PREX2: variants seen among roughly 807,000 people sequenced by gnomAD.
PREX2 encodes phosphatidylinositol 3,4,5-trisphosphate-dependent Rac exchanger 2 protein.
PREX2 carries 107 observed loss-of-function variants against 203.2 expected under a neutral mutation model. That is an observed-to-expected ratio of 0.53 (90% CI 0.45 to 0.62). The LOEUF (loss-of-function observed/expected upper bound fraction) is 0.62, where lower values mean the gene tolerates loss of function less well. Among genes scored for constraint, PREX2 ranks in the 20% least tolerant of loss-of-function variants. The probability of loss-of-function intolerance (pLI) is 0.00; values close to 1 mark genes in which losing one functional copy is unlikely to be tolerated. For synonymous variants in PREX2, 672 were observed against 663.6 expected (o/e 1.01, Z -0.19); for missense variants, 1,777 against 1,955.9 (o/e 0.91, Z 1.72).
Position 68,159,903 on chromosome 8 carries a change from G to C in PREX2, c.4346+2467G>C, listed in dbSNP as rs188312369. ...GATACAGAGAAAGTCAATTGTTTTG[G>C]CTTTACTCACAAAAGTATACTTCAC... On this transcript the variant is annotated intron_variant, in intron 35 of 39. Coordinates refer to ENST00000288368, the MANE Select transcript of PREX2 (RefSeq NM_024870.4). Among the ~76,000 whole-genome samples, 119 of 152,028 alleles carry C rather than the reference G, an allele frequency of 7.8e-4. 1 individual carries two copies. Among genetic ancestry groups the C allele is most frequent in the African/African-American group, 2.7e-3 (111 of 41,460 alleles).
intron 30 of PREX2, among the ~76,000 whole-genome samples, chr8:68,123,186 TAATG>T (rs1810815361): frequency 6.6e-6 from 1 of 151,950 alleles, no homozygotes; most frequent in South Asian, 2.1e-4. Flanking sequence ...TCTGGGAAAT[TAATG>T]AGAGCAAAGG....
At chr8:67,965,460 T>A (rs999594158) in intron 1 of PREX2, among the ~76,000 whole-genome samples, 3 of 151,980 alleles carry the variant, frequency 2.0e-5, no homozygotes, top group African/African-American at 7.3e-5. Context: ...AAAATTAGTT[T>A]GTATAATTAA....
Position 68,053,206 on chromosome 8 carries a change from A to G in PREX2, c.1053A>G (p.Glu351=). The G allele has an allele frequency of 2.5e-6, 4 of 1,613,756 alleles. No homozygotes were observed. Among genetic ancestry groups the G allele is most frequent in the Non-Finnish European group, 3.4e-6 (4 of 1,179,732 alleles). The part of the protein sequence containing the change: ...CMAKTPEEKH[E]WFEAILKERE... ...CAAAAACACCTGAAGAGAAGCATGA[A>G]TGGTTTGAAGCTATTTTGAAAGAAA... Residue 351 remains glutamate (E), a synonymous_variant, in exon 9 of 40, where the codon GAA becomes GAG. Coordinates refer to ENST00000288368, the MANE Select transcript of PREX2 (RefSeq NM_024870.4).
At chr8:68,149,369 C>A (rs1025018030) in intron 34 of PREX2, among the ~76,000 whole-genome samples, 1 of 152,182 alleles carries the variant, frequency 6.6e-6, no homozygotes, top group Non-Finnish European at 1.5e-5. Context: ...GGAACCTAGG[C>A]AGACAAAAGT....
chr8:68,208,264 A>G (rs1812676424), intron 37 of PREX2, among the ~76,000 whole-genome samples: 1 of 152,236 alleles, frequency 6.6e-6, no homozygotes. Context: ...TGAACTGTAC[A>G]CATGCATTAA....
intron 22 of PREX2, among the ~76,000 whole-genome samples, chr8:68,098,184 G>A (rs1810143578): frequency 6.6e-6 from 1 of 152,102 alleles, no homozygotes; most frequent in African/African-American, 2.4e-5. Flanking sequence ...TGGATTTAGT[G>A]TTTCATACTG....
At chr8:68,216,261 G>A (rs996763132) in intron 37 of PREX2, among the ~76,000 whole-genome samples, 8 of 152,164 alleles carry the variant, frequency 5.3e-5, no homozygotes, top group Admixed American at 5.2e-4. Context: ...GAACTTCTGT[G>A]TTACAGCCAC....
intron 37 of PREX2, among the ~76,000 whole-genome samples, chr8:68,210,381 C>T (rs1357211083): frequency 6.6e-6 from 1 of 152,136 alleles, no homozygotes; most frequent in Non-Finnish European, 1.5e-5. Context: ...GAGTAACCCT[C>T]CTCTACTAGT....
At position 68,121,023 on chromosome 8, in the gene PREX2, C is replaced by A. The variant is rs1389691066; in HGVS notation, c.3698C>A (p.Ala1233Asp). ...CTTCCCAGCAGCGTCCGGACTCTTGCTCAGAACATCAGGAAATTTGTTGAA... is the reference window on the plus strand; with the variant it reads ...CTTCCCAGCAGCGTCCGGACTCTTGATCAGAACATCAGGAAATTTGTTGAA... ...WNLPSSVRTL[A>D]QNIRKFVEEV... The change falls in exon 30 of 40, where the codon GCT becomes GAT. Residue 1233 changes from alanine to aspartate, a missense_variant. By Grantham distance (126) the Ala-to-Asp change is moderately radical. Transcript: ENST00000288368. 7 of 1,613,386 alleles carry A rather than the reference C, an allele frequency of 4.3e-6. No homozygotes were observed. The highest frequency in any genetic ancestry group is 1.6e-4 in the Middle Eastern group (1 of 6,084).
intron 37 of PREX2, 70 bp from the exon 38 acceptor site, chr8:68,217,546 G>C (rs1266901518): frequency 1.0e-5 from 11 of 1,094,688 alleles, no homozygotes; most frequent in African/African-American, 1.5e-5. Flanking sequence ...TTTGTGATTA[G>C]TAATCCACAT....
chr8:68,086,010 A>G (rs954813069), intron 18 of PREX2, among the ~76,000 whole-genome samples: 1 of 152,178 alleles, frequency 6.6e-6, no homozygotes, highest in African/African-American at 2.4e-5. Context: ...ATATGTATTC[A>G]TTCCCTTTTT....
chr8:68,148,453 G>T (rs1291413639), intron 34 of PREX2, among the ~76,000 whole-genome samples: 4 of 151,958 alleles, frequency 2.6e-5, no homozygotes, highest in African/African-American at 9.7e-5. Flanking sequence ...ATGACAGATG[G>T]CACTAAGCAT....
intron 18 of PREX2, among the ~76,000 whole-genome samples, chr8:68,085,698 G>GGGCTTCC (rs1327980394): frequency 2.0e-5 from 3 of 152,134 alleles, no homozygotes; most frequent in African/African-American, 7.2e-5. Flanking sequence ...GTTTTCTAAA[G>GGGCTTCC]ATCATTTTAC....
chr8:68,174,289 A>G (rs1046214736), intron 35 of PREX2, among the ~76,000 whole-genome samples: 1 of 152,180 alleles, frequency 6.6e-6, no homozygotes, highest in African/African-American at 2.4e-5. Context: ...ATTAATATGG[A>G]TTTACTGAAA....
At chr8:68,063,161 G>A (rs1237371716) in intron 11 of PREX2, among the ~76,000 whole-genome samples, 3 of 152,080 alleles carry the variant, frequency 2.0e-5, no homozygotes, top group Non-Finnish European at 4.4e-5. Context: ...ATCATAAAAT[G>A]CTAACAAGCA....
chr8:68,107,409 A>G (rs1200279916), intron 23 of PREX2, among the ~76,000 whole-genome samples: 1 of 152,102 alleles, frequency 6.6e-6, no homozygotes, highest in Admixed American at 6.5e-5. Flanking sequence ...CGAGGAGTAG[A>G]TGCATTTGAA....
Position 68,007,265 on chromosome 8 carries a change from A to G in PREX2, c.142-10581A>G, listed in dbSNP as rs181047230. 2.6e-3 allele frequency among the ~76,000 whole-genome samples: 392 copies of G among 152,322 alleles called. 1 individual carries two copies. Among genetic ancestry groups the G allele is most frequent in the Non-Finnish European group, 4.3e-3 (294 of 68,026 alleles). On this transcript the variant is annotated intron_variant, in intron 1 of 39. Coordinates refer to ENST00000288368, the MANE Select transcript of PREX2 (RefSeq NM_024870.4). ...CAGTTGAGCTTATTTAGTTTTTCTC[A>G]TATTTCTTGAATTTGTAAGAAAATG...
chr8:67,961,609 A>G (rs1585655841), intron 1 of PREX2, among the ~76,000 whole-genome samples: 2 of 152,136 alleles, frequency 1.3e-5, no homozygotes, highest in East Asian at 3.8e-4. Context: ...AACTATTCAC[A>G]TGATGATACA....
At chr8:68,162,329 A>G (rs1811673254) in intron 35 of PREX2, among the ~76,000 whole-genome samples, 1 of 152,150 alleles carries the variant, frequency 6.6e-6, no homozygotes, top group South Asian at 2.1e-4. Context: ...AGATCTAAAT[A>G]TATTTAGTTT....
Sources: allele counts gnomAD v4.1 joint callset (sites outside exome capture counted in the v4.1 genomes callset), GRCh38; gene constraint gnomAD v4.1.1; transcripts MANE v1.5; gene names NCBI Gene and HGNC (gene_info 2026-07-23, HGNC 2026-07-21).